BNIP3: variants seen among roughly 807,000 people sequenced by gnomAD.
The protein encoded by BNIP3 is BCL2/adenovirus E1B 19 kDa protein-interacting protein 3.
Under a neutral mutation model 23.9 loss-of-function variants are expected in BNIP3, and 16 were observed. The ratio of observed to expected loss-of-function variants is 0.67; its 90% CI spans 0.45 to 1.01. The LOEUF (loss-of-function observed/expected upper bound fraction) is 1.01. BNIP3 is among the 50% of genes least tolerant of loss of function. BNIP3 has a pLI of 0.00. For missense variants in BNIP3, 198 were observed against 248.7 expected (o/e 0.80, Z 1.37); for synonymous variants, 81 against 89.3 (o/e 0.91, Z 0.53).
At chr10:131,977,690 C>A (rs145537489) in intron 1 of BNIP3, among the ~76,000 whole-genome samples, 212 of 152,292 alleles carry the variant, frequency 1.4e-3, no homozygotes, top group African/African-American at 4.9e-3. Flanking sequence ...CCACCTTTTA[C>A]TACCATCCCA....
intron 5 of BNIP3, 73 bp from the exon 6 acceptor site, chr10:131,968,642 TAGCTCACTG>T: frequency 1.5e-6 from 2 of 1,373,288 alleles, no homozygotes; most frequent in Non-Finnish European, 2.1e-6. Flanking sequence ...TGAAACAGGG[TAGCTCACTG>T]TGGTTAGAGC....
rs1425743926 is a variant in BNIP3, at chr10:131,976,296, T to C, written c.47-2353A>G. Among the ~76,000 whole-genome samples the C allele has an allele frequency of 6.6e-6, 1 of 152,204 alleles. No individual in the cohort carries two copies. The highest frequency in any genetic ancestry group is 1.5e-5 in the Non-Finnish European group (1 of 68,034). On this transcript the variant is annotated intron_variant, in intron 1 of 5. Transcript: ENST00000368636. This position sits in a 1 kb window ranked among gnomAD's most constrained non-coding sequence, Gnocchi z 4.3. The stretch of plus-strand genomic sequence containing the variant: ...CTGATGCCACTCTTAACATCAAATG[T>C]GGGACACCAAGTCACCACCACCGGG...
intron 1 of BNIP3, among the ~76,000 whole-genome samples, chr10:131,979,188 A>G (rs2133696247): frequency 6.6e-6 from 1 of 152,148 alleles, no homozygotes; most frequent in South Asian, 2.1e-4. Flanking sequence ...CTTATCTTTC[A>G]CTCCACCTCT....
chr10:131,968,450 A>ACAGCT lies in BNIP3; in HGVS notation c.*69_*73dup. 1 of 1,271,322 alleles carries ACAGCT rather than the reference A, an allele frequency of 7.9e-7. No individual in the cohort carries two copies. Among genetic ancestry groups the ACAGCT allele is most frequent in the Non-Finnish European group, 1.1e-6 (1 of 874,244 alleles). 78.8% of individuals were successfully genotyped at this position (1,271,322 alleles called of 1,614,324 possible). On this transcript the variant is annotated 3_prime_UTR_variant, in exon 6 of 6. Coordinates refer to ENST00000368636, the MANE Select transcript of BNIP3 (RefSeq NM_004052.4). ...AGTGACGTGGCCACCCCAGGATCTA[A>ACAGCT]CAGCTCTTCAGTGAGCTATGTTGCA...
rs998130798 is a variant in BNIP3 at position 131,976,626 on chromosome 10, C to T, written c.47-2683G>A. On this transcript the variant is annotated intron_variant, in intron 1 of 5. Coordinates refer to ENST00000368636, the MANE Select transcript of BNIP3 (RefSeq NM_004052.4). This position sits in a 1 kb window ranked among gnomAD's most constrained non-coding sequence, Gnocchi z 4.3. ...CACACGTCCCAACCCTAACCCCAACCACACTCTCTGCAACCAGACTCCCAC... is the reference window on the plus strand; with the variant it reads ...CACACGTCCCAACCCTAACCCCAACTACACTCTCTGCAACCAGACTCCCAC... 5.3e-5 allele frequency among the ~76,000 whole-genome samples: 8 copies of T among 152,068 alleles called. No individual in the cohort carries two copies. Among genetic ancestry groups the T allele is most frequent in the African/African-American group, 1.9e-4 (8 of 41,404 alleles).
intron 3 of BNIP3, chr10:131,971,417 A>G (rs1324601884): frequency 1.8e-5 from 3 of 169,224 alleles, no homozygotes; most frequent in Non-Finnish European, 3.8e-5. Flanking sequence ...CAGGTTTACA[A>G]GATGCTTCCG....
rs1332166635 is a variant in BNIP3 at position 131,967,743 on chromosome 10, CAG to C, written c.*779_*780del. 6.6e-6 allele frequency: 1 copy of C among 152,456 alleles called. No individual in the cohort carries two copies. Among genetic ancestry groups the C allele is most frequent in the Non-Finnish European group, 1.5e-5 (1 of 68,016 alleles). 9.4% of individuals were successfully genotyped at this position (152,456 alleles called of 1,614,324 possible). ...CATTTCCAGTTTTTTAAAGTAGACA[CAG>C]ATTTGCTTAGAATAAAGCTGATTTT... On this transcript the variant is annotated 3_prime_UTR_variant, in exon 6 of 6. Coordinates refer to ENST00000368636, the MANE Select transcript of BNIP3 (RefSeq NM_004052.4).
rs1253598094 is a variant in BNIP3 at position 131,981,501 on chromosome 10, C to T, written c.46+260G>A. Among the ~76,000 whole-genome samples, 5 of 152,352 alleles carry T rather than the reference C, an allele frequency of 3.3e-5. No homozygotes were observed. The South Asian group carries it at 1.0e-3, about 32-fold the overall frequency. On this transcript the variant is annotated intron_variant, in intron 1 of 5. Coordinates refer to ENST00000368636, the MANE Select transcript of BNIP3 (RefSeq NM_004052.4). ...GCGGAGCTGGAGAATCGGGGCTTTCCCGTGCGGTCCGACCCGGGTCCAAGC... is the reference window on the plus strand; with the variant it reads ...GCGGAGCTGGAGAATCGGGGCTTTCTCGTGCGGTCCGACCCGGGTCCAAGC...
In BNIP3 at chr10:131,976,424, G is replaced by A. The variant is rs534733404; in HGVS notation, c.47-2481C>T. 2.6e-5 allele frequency among the ~76,000 whole-genome samples: 4 copies of A among 152,220 alleles called. No individual in the cohort carries two copies. In the South Asian group the frequency reaches 8.3e-4, roughly 32 times the overall value. On this transcript the variant is annotated intron_variant, in intron 1 of 5. Transcript: ENST00000368636. The surrounding 1 kb of genome is among the most constrained non-coding windows in gnomAD (Gnocchi z 4.3). ...AGAGAATGGGGTGTCCAGGTTACCC[G>A]TATTTCTGCCAGTGCCTCTACCTAC...
chr10:131,976,156 G>A lies in BNIP3; in HGVS notation c.47-2213C>T, dbSNP rs1182601068. On this transcript the variant is annotated intron_variant, in intron 1 of 5. Transcript: ENST00000368636. This position sits in a 1 kb window ranked among gnomAD's most constrained non-coding sequence, Gnocchi z 4.3. ...CTGTTTTGGCCAGCTGTCTTTCTCCGCTGAATCTACAGTATTCAGATTCTG... is the reference window on the plus strand; with the variant it reads ...CTGTTTTGGCCAGCTGTCTTTCTCCACTGAATCTACAGTATTCAGATTCTG... Among the ~76,000 whole-genome samples the A allele has an allele frequency of 2.6e-5, 4 of 152,190 alleles. No homozygotes were observed. Among genetic ancestry groups the A allele is most frequent in the African/African-American group, 9.7e-5 (4 of 41,440 alleles).
chr10:131,976,145 T>G lies in BNIP3; in HGVS notation c.47-2202A>C, dbSNP rs1033298228. ...CACCACAGCCTCTGTTTTGGCCAGC[T>G]GTCTTTCTCCGCTGAATCTACAGTA... On this transcript the variant is annotated intron_variant, in intron 1 of 5. Coordinates refer to ENST00000368636, the MANE Select transcript of BNIP3 (RefSeq NM_004052.4). This position sits in a 1 kb window ranked among gnomAD's most constrained non-coding sequence, Gnocchi z 4.3. 6.6e-6 allele frequency among the ~76,000 whole-genome samples: 1 copy of G among 152,238 alleles called. No homozygotes were observed. The highest frequency in any genetic ancestry group is 2.4e-5 in the African/African-American group (1 of 41,462).
chr10:131,969,367 C>T (rs1275797586), intron 5 of BNIP3: 1 of 152,136 alleles, frequency 6.6e-6, no homozygotes, highest in Non-Finnish European at 1.5e-5. Flanking sequence ...GATCCCGAGG[C>T]CTTGCCCCCA....
intron 1 of BNIP3, 143 bp from the exon 2 acceptor site, chr10:131,974,086 A>G: frequency 2.8e-6 from 3 of 1,077,842 alleles, no homozygotes; most frequent in Middle Eastern, 3.0e-4. Flanking sequence ...CCCGACTTGA[A>G]GACATCCCTC....
At chr10:131,978,290 C>T (rs2133695658) in intron 1 of BNIP3, among the ~76,000 whole-genome samples, 1 of 151,490 alleles carries the variant, frequency 6.6e-6, no homozygotes, top group Non-Finnish European at 1.5e-5. Context: ...ATATTTATAT[C>T]ACAGTACAAA....
chr10:131,968,706 G>A (rs2036993244), intron 5 of BNIP3, 137 bp from the exon 6 acceptor site: 4 of 632,464 alleles, frequency 6.3e-6, no homozygotes, highest in African/African-American at 3.7e-5. Flanking sequence ...TAAAAATTTT[G>A]TAATGAATCT....
Position 131,968,917 on chromosome 10 carries a change from C to T in BNIP3, c.540-348G>A, listed in dbSNP as rs546658835. 5 of 196,942 alleles carry T rather than the reference C, an allele frequency of 2.5e-5. No homozygotes were observed. The Admixed American group carries it at 2.7e-4, about 11-fold the overall frequency. 12.2% of individuals were successfully genotyped at this position (196,942 alleles called of 1,614,324 possible). A position where few individuals can be genotyped will look rare whatever the true frequency, so the allele number is the denominator to read the frequency against. On this transcript the variant is annotated intron_variant, in intron 5 of 5. Transcript: ENST00000368636. Reference sequence around the variant, plus strand: ...GGTGTTGCTAGTTCATCACCACCAGCCTCACCAAAGCCAACTGCTTAAAAA... The same window carrying T: ...GGTGTTGCTAGTTCATCACCACCAGTCTCACCAAAGCCAACTGCTTAAAAA...
intron 1 of BNIP3, 48 bp downstream of exon 1, chr10:131,981,713 C>CT (rs1226923035): frequency 6.9e-7 from 1 of 1,458,384 alleles, no homozygotes; most frequent in Non-Finnish European, 9.0e-7. Context: ...CTTCCCCAGG[C>CT]TTCCCCCCCG....
chr10:131,971,176 C>G (rs372975068), intron 3 of BNIP3: 6 of 577,332 alleles, frequency 1.0e-5, no homozygotes, highest in Non-Finnish European at 1.8e-5. Flanking sequence ...AGCACGCTCG[C>G]CGCCTCCAGG....
At chr10:131,968,593 T>C (rs1317162177) in intron 5 of BNIP3, 24 bp from the exon 6 acceptor site, 1 of 1,567,746 alleles carries the variant, frequency 6.4e-7, no homozygotes, top group Admixed American at 1.7e-5. Context: ...TTATCAGTAG[T>C]TAATGTATCT....
Sources: allele counts gnomAD v4.1 joint callset (sites outside exome capture counted in the v4.1 genomes callset), GRCh38; gene constraint gnomAD v4.1.1; non-coding constraint Gnocchi (gnomAD v3.1); transcripts MANE v1.5; gene names NCBI Gene and HGNC (gene_info 2026-07-23, HGNC 2026-07-21).